Variants in TMEM63A observed in about 807,000 individuals in gnomAD.
TMEM63A encodes transmembrane protein 63A.
In TMEM63A, 76 loss-of-function variants were observed where a neutral mutation model predicts 100.6. The ratio of observed to expected loss-of-function variants is 0.76; its 90% CI spans 0.63 to 0.91. TMEM63A has a LOEUF of 0.91. Among genes scored for constraint, TMEM63A ranks in the 40% least tolerant of loss-of-function variants. The probability of loss-of-function intolerance (pLI) is 0.00; values close to 1 mark genes in which losing one functional copy is unlikely to be tolerated. For synonymous variants in TMEM63A, 401 were observed against 401.1 expected, an observed-to-expected ratio of 1.00 and a Z score of 0.00; for missense variants, 876 against 1,008.8, an observed-to-expected ratio of 0.87 and a Z score of 1.78.
chr1:225,867,513 G>T lies in TMEM63A; in HGVS notation c.515-350C>A, dbSNP rs1019653578. Among the ~76,000 whole-genome samples the T allele has an allele frequency of 6.6e-6, 1 of 152,184 alleles. No individual in the cohort carries two copies. Among genetic ancestry groups the T allele is most frequent in the Non-Finnish European group, 1.5e-5 (1 of 68,032 alleles). On this transcript the variant is annotated intron_variant, in intron 7 of 24. Transcript: ENST00000366835. This position sits in a 1 kb window ranked among gnomAD's most constrained non-coding sequence, Gnocchi z 4.6. Reference sequence around the variant, plus strand: ...TTTTGGAAGGTGGATTCTTGCAGTTGCCCTTAGATATAATGCCACACCCTG... The same window carrying T: ...TTTTGGAAGGTGGATTCTTGCAGTTTCCCTTAGATATAATGCCACACCCTG...
Position 225,862,052 on chromosome 1 carries a change from C to T in TMEM63A, c.1085+166G>A. The T allele has an allele frequency of 9.2e-7, 1 of 1,091,310 alleles. No individual in the cohort carries two copies. The highest frequency in any genetic ancestry group is 1.3e-6 in the Non-Finnish European group (1 of 776,300). 67.6% of individuals were successfully genotyped at this position (1,091,310 alleles called of 1,614,324 possible). ...GCCTGTTACACAAACATGGGCTGGG[C>T]TGGCTGAAAGTGAGTGTGGGTAGCT... On this transcript the variant is annotated intron_variant, in intron 13 of 24. Coordinates refer to ENST00000366835, the MANE Select transcript of TMEM63A (RefSeq NM_014698.3). This position sits in a 1 kb window ranked among gnomAD's most constrained non-coding sequence, Gnocchi z 5.1.
chr1:225,876,654 TTGG>T (rs142949010), intron 3 of TMEM63A, among the ~76,000 whole-genome samples: 279 of 39,242 alleles, frequency 7.1e-3, no homozygotes, highest in Middle Eastern at 0.043. Context: ...TTTTGTTTTT[TTGG>T]TTTTTTTTGA....
chr1:225,853,548 T>TG lies in TMEM63A; in HGVS notation c.1797+80dup. ...AAATGCTACCCACTAGTGGGGGTAG[T>TG]GGGGGTGAGAGGCCCTCGGGTCAGT... On this transcript the variant is annotated intron_variant, in intron 19 of 24. Transcript: ENST00000366835. This position sits in a 1 kb window ranked among gnomAD's most constrained non-coding sequence, Gnocchi z 4.0. 7.4e-7 allele frequency: 1 copy of TG among 1,359,268 alleles called. No homozygotes were observed. The highest frequency in any genetic ancestry group is 9.8e-7 in the Non-Finnish European group (1 of 1,019,236). 84.2% of individuals were successfully genotyped at this position (1,359,268 alleles called of 1,614,324 possible). A position where few individuals can be genotyped will look rare whatever the true frequency, so the allele number is the denominator to read the frequency against.
At chr1:225,842,449 T>C, downstream of TMEM63A, 1 of 1,610,590 alleles carries the variant, frequency 6.2e-7, no homozygotes, top group South Asian at 1.1e-5. Context: ...GGAATTCCGA[T>C]ACCTGGAGGA....
chr1:225,881,769 C>T (rs3766939), intron 1 of TMEM63A, among the ~76,000 whole-genome samples: 1 of 152,052 alleles, frequency 6.6e-6, no homozygotes, highest in African/African-American at 2.4e-5. Flanking sequence ...GGTTTCTTAG[C>T]AGAGCTCGCC....
At chr1:225,842,041 G>A (rs1042661180), downstream of TMEM63A, among the ~76,000 whole-genome samples, 2 of 152,156 alleles carry the variant, frequency 1.3e-5, no homozygotes, top group South Asian at 4.1e-4. Flanking sequence ...GAAAAACCCC[G>A]CCTTTTTAAA....
At chr1:225,844,558 C>T (rs1576050466), downstream of TMEM63A, 2 of 1,614,188 alleles carry the variant, frequency 1.2e-6, no homozygotes, top group East Asian at 2.2e-5. Context: ...CAGGCACCAT[C>T]ATCTCCTCCC....
rs895178892 is a variant in TMEM63A, at chr1:225,871,034, C to G, written c.371+42G>C. On this transcript the variant is annotated intron_variant, in intron 6 of 24. Coordinates refer to ENST00000366835, the MANE Select transcript of TMEM63A (RefSeq NM_014698.3). Reference sequence around the variant, plus strand: ...TGACTGGCCAAACACCCAAAAAAACCAGCCCAAAGGCCCCCCAGCAGCTGC... The same window carrying G: ...TGACTGGCCAAACACCCAAAAAAACGAGCCCAAAGGCCCCCCAGCAGCTGC... The G allele has an allele frequency of 2.5e-6, 4 of 1,609,480 alleles. No individual in the cohort carries two copies. The African/African-American group carries it at 4.0e-5, about 16-fold the overall frequency.
Position 225,873,243 on chromosome 1 carries a change from A to G in TMEM63A, c.266+1045T>C, listed in dbSNP as rs1022942712. Among the ~76,000 whole-genome samples the G allele has an allele frequency of 2.6e-5, 4 of 152,152 alleles. 1 individual carries two copies. The highest frequency in any genetic ancestry group is 5.9e-5 in the Non-Finnish European group (4 of 68,028). On this transcript the variant is annotated intron_variant, in intron 4 of 24. Transcript: ENST00000366835. ...CAGGTGGTCTTTTCAACCAGAGTACATGGCCCCACTTCCAGCTGAATGTGC... is the reference window on the plus strand; with the variant it reads ...CAGGTGGTCTTTTCAACCAGAGTACGTGGCCCCACTTCCAGCTGAATGTGC...
In TMEM63A at chr1:225,867,373, G is replaced by A. The variant is rs1342038856; in HGVS notation, c.515-210C>T. On this transcript the variant is annotated intron_variant, in intron 7 of 24. Coordinates refer to ENST00000366835, the MANE Select transcript of TMEM63A (RefSeq NM_014698.3). The surrounding 1 kb of genome is among the most constrained non-coding windows in gnomAD (Gnocchi z 4.6). ...CCTGATAACTTCTCAACCTTCCATT[G>A]CAGGTAAAGGCATAATGTGAATTCA... is the stretch of plus-strand genomic sequence containing the variant. Among the ~76,000 whole-genome samples, 1 of 152,102 alleles carries A rather than the reference G, an allele frequency of 6.6e-6. No individual in the cohort carries two copies. Among genetic ancestry groups the A allele is most frequent in the Admixed American group, 6.5e-5 (1 of 15,278 alleles).
chr1:225,866,734 G>A, intron 8 of TMEM63A, 52 bp from the exon 9 acceptor site: 1 of 1,562,456 alleles, frequency 6.4e-7, no homozygotes, highest in Non-Finnish European at 8.8e-7. Flanking sequence ...CAGGGAGCTG[G>A]GGGTGCAGAG....
chr1:225,845,626 A>C lies in TMEM63A; in HGVS notation c.*1313T>G. The C allele has an allele frequency of 1.9e-6, 1 of 522,930 alleles. No individual in the cohort carries two copies. Among genetic ancestry groups the C allele is most frequent in the Non-Finnish European group, 3.5e-6 (1 of 288,504 alleles). 32.4% of individuals were successfully genotyped at this position (522,930 alleles called of 1,614,324 possible). A position where few individuals can be genotyped will look rare whatever the true frequency, so the allele number is the denominator to read the frequency against. Reference sequence around the variant, plus strand: ...CACATGGGGCCCCCTGTGCAAGCAGAGCTGGCCGGCCCCTCCTTGCTGGCA... The same window carrying C: ...CACATGGGGCCCCCTGTGCAAGCAGCGCTGGCCGGCCCCTCCTTGCTGGCA... On this transcript the variant is annotated 3_prime_UTR_variant, in exon 25 of 25. Transcript: ENST00000366835.
At chr1:225,872,202 C>A in intron 4 of TMEM63A, 149 bp from the exon 5 acceptor site, 1 of 622,722 alleles carries the variant, frequency 1.6e-6, no homozygotes. Flanking sequence ...CAAAATATAA[C>A]TCACTCTGTG....
chr1:225,856,419 G>A (rs1455420594), intron 17 of TMEM63A, among the ~76,000 whole-genome samples: 2 of 150,912 alleles, frequency 1.3e-5, no homozygotes, highest in African/African-American at 4.9e-5. Context: ...GAGGTCAGGA[G>A]CTCAAGAACA....
In TMEM63A at chr1:225,871,125, G is replaced by T; in HGVS notation, c.334-12C>A. ...CAGGGACAGCATCCCTGGAAACGGAGAGAACAGGGATTAGCTTCCAACATT... is the reference window on the plus strand; with the variant it reads ...CAGGGACAGCATCCCTGGAAACGGATAGAACAGGGATTAGCTTCCAACATT... On this transcript the variant is annotated splice_polypyrimidine_tract_variant and intron_variant, in intron 5 of 24. Coordinates refer to ENST00000366835, the MANE Select transcript of TMEM63A (RefSeq NM_014698.3). The T allele has an allele frequency of 6.2e-7, 1 of 1,613,562 alleles. No individual in the cohort carries two copies. The highest frequency in any genetic ancestry group is 1.1e-5 in the South Asian group (1 of 91,016).
At chr1:225,852,349 G>C (rs1283895177) in intron 20 of TMEM63A, among the ~76,000 whole-genome samples, 2 of 152,218 alleles carry the variant, frequency 1.3e-5, no homozygotes, top group African/African-American at 2.4e-5. Flanking sequence ...AGGCAGGCAT[G>C]GTGGCGGGCA....
At chr1:225,849,734 C>T (rs1453859019) in intron 21 of TMEM63A, among the ~76,000 whole-genome samples, 178 bp downstream of exon 21, 1 of 152,218 alleles carries the variant, frequency 6.6e-6, no homozygotes, top group East Asian at 1.9e-4. Context: ...AGACATGTAA[C>T]CAACCCTCAT....
At chr1:225,872,397 A>G (rs1670552523) in intron 4 of TMEM63A, among the ~76,000 whole-genome samples, 2 of 152,228 alleles carry the variant, frequency 1.3e-5, no homozygotes, top group Non-Finnish European at 2.9e-5. Context: ...CTTGGAATAA[A>G]TACTACATTT....
At chr1:225,866,337 T>G in intron 9 of TMEM63A, 1 of 535,764 alleles carries the variant, frequency 1.9e-6, no homozygotes, top group East Asian at 3.3e-5. Context: ...AGGGCTGCTC[T>G]CAACCCAAAT....
Sources: gnomAD v4.1 joint callset for allele counts (sites outside exome capture counted in the v4.1 genomes callset) on GRCh38, gnomAD v4.1.1 for gene constraint, Gnocchi (gnomAD v3.1) non-coding constraint, MANE v1.5 for transcripts, NCBI Gene and HGNC (gene_info 2026-07-23, HGNC 2026-07-21) for gene names.